The following ATP13A4 variants were observed in gnomAD, a reference collection of about 807,000 sequenced individuals.
ATP13A4 encodes probable cation-transporting ATPase 13A4.
In ATP13A4, 114 loss-of-function variants were observed where a neutral mutation model predicts 142.5. The ratio of observed to expected loss-of-function variants is 0.80; its 90% CI spans 0.69 to 0.93. The LOEUF is 0.93. ATP13A4 is among the 40% of genes least tolerant of loss of function. ATP13A4 has a pLI of 0.00. For synonymous variants in ATP13A4, 488 were observed against 514.8 expected, an observed-to-expected ratio of 0.95 and a Z score of 0.70; for missense variants, 1,392 against 1,454.0, an observed-to-expected ratio of 0.96 and a Z score of 0.69.
At chr3:193,413,734 AT>A (rs1437907545) in intron 26 of ATP13A4, among the ~76,000 whole-genome samples, 1 of 152,144 alleles carries the variant, frequency 6.6e-6, no homozygotes, top group Non-Finnish European at 1.5e-5. Flanking sequence ...ACCCTGGTGA[AT>A]TTGAGGTCAG....
intron 1 of ATP13A4, among the ~76,000 whole-genome samples, chr3:193,544,713 G>C (rs1338618491): frequency 1.3e-5 from 2 of 152,176 alleles, no homozygotes; most frequent in East Asian, 1.9e-4. Flanking sequence ...TGGAGGTTTT[G>C]TTTCTCACAA....
At chr3:193,405,639 T>C (rs1031781086) in intron 29 of ATP13A4, among the ~76,000 whole-genome samples, 3 of 151,368 alleles carry the variant, frequency 2.0e-5, no homozygotes, top group African/African-American at 7.3e-5. Context: ...GAGTGTGGAT[T>C]CCCAGTGACA....
intron 1 of ATP13A4, chr3:193,592,960 C>T (rs1178272897): frequency 9.9e-6 from 2 of 202,650 alleles, no homozygotes; most frequent in Non-Finnish European, 9.9e-6. Context: ...TCTCATTCCA[C>T]GCCTTTAGCC....
At chr3:193,415,856 G>T (rs1248099765) in intron 25 of ATP13A4, among the ~76,000 whole-genome samples, 4 of 152,222 alleles carry the variant, frequency 2.6e-5, no homozygotes, top group African/African-American at 9.6e-5. Flanking sequence ...ATCTGTGTAT[G>T]CTGGGAAATG....
chr3:193,550,423 G>A (rs959529828), intron 1 of ATP13A4, among the ~76,000 whole-genome samples: 2 of 150,182 alleles, frequency 1.3e-5, no homozygotes, highest in Non-Finnish European at 2.9e-5. Flanking sequence ...CTTCCCACCT[G>A]AGCCTCTCAA....
chr3:193,475,408 C>T (rs376005456), intron 8 of ATP13A4, among the ~76,000 whole-genome samples: 1 of 151,756 alleles, frequency 6.6e-6, no homozygotes, highest in Non-Finnish European at 1.5e-5. Flanking sequence ...CAGTTAAATA[C>T]GTTTGATATA....
At chr3:193,588,378 TC>T (rs1433644560) in intron 1 of ATP13A4, among the ~76,000 whole-genome samples, 1 of 152,218 alleles carries the variant, frequency 6.6e-6, no homozygotes, top group Non-Finnish European at 1.5e-5. Context: ...AGCATTATCA[TC>T]CCCTTGTAAT....
rs956976910 is a variant in ATP13A4 at position 193,423,329 on chromosome 3, T to C, written c.2843-8579A>G. 4.7e-5 allele frequency among the ~76,000 whole-genome samples: 7 copies of C among 149,486 alleles called. 1 individual carries two copies. The highest frequency in any genetic ancestry group is 1.7e-4 in the African/African-American group (7 of 40,706). ...ATTCTATTCAAACTATCCCTAAACA[T>C]TGTAAAGGAGCAAATACTTCCAAAC... is the stretch of plus-strand genomic sequence containing the variant. On this transcript the variant is annotated intron_variant, in intron 25 of 29. Transcript: ENST00000342695.
chr3:193,579,012 G>T, intron 2 of ATP13A4: 1 of 197,508 alleles, frequency 5.1e-6, no homozygotes, highest in South Asian at 1.1e-4. Context: ...AGAAGGGCAT[G>T]ATCACAGGTC....
At chr3:193,422,807 A>T (rs1715472440) in intron 25 of ATP13A4, among the ~76,000 whole-genome samples, 1 of 149,760 alleles carries the variant, frequency 6.7e-6, no homozygotes, top group Admixed American at 6.9e-5. Flanking sequence ...CTAATGTTGA[A>T]CCTCAAGGAA....
At chr3:193,574,719 A>C (rs1316865329) in intron 2 of ATP13A4, among the ~76,000 whole-genome samples, 1 of 152,132 alleles carries the variant, frequency 6.6e-6, no homozygotes, top group Non-Finnish European at 1.5e-5. Context: ...CCATCAAAAA[A>C]CAAACAAAAC....
At chr3:193,466,498 G>T (rs1260944964) in intron 10 of ATP13A4, among the ~76,000 whole-genome samples, 1 of 152,154 alleles carries the variant, frequency 6.6e-6, no homozygotes, top group Non-Finnish European at 1.5e-5. Flanking sequence ...TCAAACGTGT[G>T]CACGCACACA....
In ATP13A4 at chr3:193,400,117, ATGCCACCT is replaced by A. The variant is rs1230783480; in HGVS notation, c.*2527_*2534del. On this transcript the variant is annotated 3_prime_UTR_variant, in exon 30 of 30. Transcript: ENST00000342695. ...CCATTTGTCCTGATTTTGCCTTCTC[ATGCCACCT>A]GGCACAAGTAGGATCCTTCTTTCTC... Among the ~76,000 whole-genome samples the A allele has an allele frequency of 2.0e-5, 3 of 152,140 alleles. No individual in the cohort carries two copies. The highest frequency in any genetic ancestry group is 2.9e-5 in the Non-Finnish European group (2 of 68,028).
At chr3:193,450,969 G>A (rs1717240416) in intron 17 of ATP13A4, among the ~76,000 whole-genome samples, 1 of 152,168 alleles carries the variant, frequency 6.6e-6, no homozygotes, top group Admixed American at 6.5e-5. Flanking sequence ...CACCACTGGA[G>A]TATAGGAAGG....
rs1415221572 is a variant in ATP13A4, at chr3:193,534,605, T to C, written c.61-19734A>G. Among the ~76,000 whole-genome samples the C allele has an allele frequency of 3.3e-5, 5 of 152,028 alleles. No homozygotes were observed. The East Asian group carries it at 9.6e-4, about 29-fold the overall frequency. ...TTTAAAACTCAGTGAATGGACTCAA[T>C]AGCAAAATAGAGGGACAGAGAAAAC... On this transcript the variant is annotated intron_variant, in intron 1 of 29. Transcript: ENST00000342695.
chr3:193,422,266 A>T (rs903834637), intron 25 of ATP13A4, among the ~76,000 whole-genome samples: 1 of 149,914 alleles, frequency 6.7e-6, no homozygotes, highest in Non-Finnish European at 1.5e-5. Flanking sequence ...AGAAATAGCA[A>T]GACAATAATA....
intron 1 of ATP13A4, among the ~76,000 whole-genome samples, chr3:193,531,415 G>A (rs950613700): frequency 1.5e-5 from 2 of 137,280 alleles, no homozygotes; most frequent in Non-Finnish European, 1.6e-5. Flanking sequence ...AGGAAGGAAG[G>A]AAGGAGGGAA....
At chr3:193,581,888 G>A (rs998919480) in exon 2 of ATP13A4, 1 of 152,014 alleles carries the variant, frequency 6.6e-6, no homozygotes, top group African/African-American at 2.4e-5. Context: ...TCTTTTCGAT[G>A]AGGACAGAAA....
chr3:193,507,694 G>T (rs1193686407), intron 2 of ATP13A4, among the ~76,000 whole-genome samples: 1 of 152,178 alleles, frequency 6.6e-6, no homozygotes, highest in Non-Finnish European at 1.5e-5. Context: ...AGGGGAAATG[G>T]AGCAGTGGAT....
Sources: allele counts gnomAD v4.1 joint callset (sites outside exome capture counted in the v4.1 genomes callset), GRCh38; gene constraint gnomAD v4.1.1; transcripts MANE v1.5; gene names NCBI Gene and HGNC (gene_info 2026-07-23, HGNC 2026-07-21).